The following ALK variants were observed in gnomAD, a reference collection of about 807,000 sequenced individuals.
The protein encoded by ALK is ALK tyrosine kinase receptor.
A neutral mutation model predicts 163.1 loss-of-function variants in ALK; 74 were observed. The observed-to-expected ratio is 0.45, with a 90% CI of 0.38 to 0.55. The LOEUF (loss-of-function observed/expected upper bound fraction) is 0.55. Among genes scored for constraint, ALK ranks in the 20% least tolerant of loss-of-function variants. ALK has a pLI of 0.00. For synonymous variants in ALK, 960 were observed against 843.2 expected, an observed-to-expected ratio of 1.14 and a Z score of -2.40; for missense variants, 2,063 against 2,105.3, an observed-to-expected ratio of 0.98 and a Z score of 0.39.
intron 3 of ALK, among the ~76,000 whole-genome samples, chr2:29,570,640 C>A (rs1287427392): frequency 6.6e-6 from 1 of 152,182 alleles, no homozygotes; most frequent in African/African-American, 2.4e-5. Flanking sequence ...TTGTTAAATG[C>A]CAGCTCCAGG....
intron 9 of ALK, among the ~76,000 whole-genome samples, chr2:29,285,151 T>A (rs1665819057): frequency 6.6e-6 from 1 of 152,238 alleles, no homozygotes. Flanking sequence ...AGCTTCACAC[T>A]GAGGCTCCAA....
intron 3 of ALK, among the ~76,000 whole-genome samples, chr2:29,619,539 G>A (rs1324341780): frequency 1.3e-5 from 2 of 152,096 alleles, no homozygotes; most frequent in African/African-American, 2.4e-5. Context: ...CATTGAAAGG[G>A]CCTCTTCAGT....
intron 4 of ALK, among the ~76,000 whole-genome samples, chr2:29,407,088 G>T (rs1427112052): frequency 6.6e-6 from 1 of 152,042 alleles, no homozygotes; most frequent in African/African-American, 2.4e-5. Context: ...CATCACTTGT[G>T]GTTCATCCTC....
In ALK at chr2:29,222,606, C is replaced by T. The variant is rs781411935; in HGVS notation, c.3361G>A (p.Gly1121Ser). The change falls in exon 21 of 29, where the codon GGT (glycine) becomes AGT (serine). Residue 1121 changes from glycine (G) to serine (S), a missense_variant and splice_region_variant. Physicochemically the swap from Gly to Ser is moderately conservative, Grantham distance 56. Coordinates refer to ENST00000389048, the MANE Select transcript of ALK (RefSeq NM_004304.5). ...TCCCCAAAGGCGCCATGGCCCAGAC[C>T]CCTGTGCAAAGGAGAAGACAAGAGG... ...VPRKNITLIRGLGHGAFGEVY... is the reference protein window; with the variant it reads ...VPRKNITLIRSLGHGAFGEVY... The T allele has an allele frequency of 6.2e-7, 1 of 1,613,372 alleles. No individual in the cohort carries two copies. Among genetic ancestry groups the T allele is most frequent in the African/African-American group, 1.3e-5 (1 of 74,830 alleles).
chr2:29,555,524 T>C (rs1673828288), intron 3 of ALK, among the ~76,000 whole-genome samples: 1 of 152,210 alleles, frequency 6.6e-6, no homozygotes, highest in Non-Finnish European at 1.5e-5. Flanking sequence ...TTTCTGTAAG[T>C]GGAAATTGAT....
chr2:29,535,476 C>A (rs1030235979), intron 3 of ALK, among the ~76,000 whole-genome samples: 1 of 152,166 alleles, frequency 6.6e-6, no homozygotes, highest in African/African-American at 2.4e-5. Context: ...ATTATTTAAA[C>A]ACTTTAAATA....
chr2:29,593,735 T>C (rs1034334772), intron 3 of ALK, among the ~76,000 whole-genome samples: 4 of 152,250 alleles, frequency 2.6e-5, no homozygotes, highest in African/African-American at 9.6e-5. Flanking sequence ...AGTTCAGAAG[T>C]ATAGCAGAAT....
intron 3 of ALK, among the ~76,000 whole-genome samples, chr2:29,619,801 C>A (rs1052214799): frequency 7.2e-5 from 11 of 152,202 alleles, no homozygotes; most frequent in African/African-American, 2.4e-4. Flanking sequence ...CCCTGGTCTG[C>A]TGCCCGCACT....
chr2:29,627,864 C>T (rs182420774), intron 3 of ALK, among the ~76,000 whole-genome samples: 3 of 152,246 alleles, frequency 2.0e-5, no homozygotes, highest in African/African-American at 7.2e-5. Context: ...AAAAGTTTAG[C>T]GTGCTCCATT....
chr2:29,878,104 T>C (rs1427553567), intron 1 of ALK, among the ~76,000 whole-genome samples: 7 of 152,308 alleles, frequency 4.6e-5, no homozygotes, highest in Middle Eastern at 3.4e-3. Flanking sequence ...GATAAAAAGC[T>C]ACCTCCTTCA....
intron 3 of ALK, among the ~76,000 whole-genome samples, chr2:29,588,715 C>T (rs1024252126): frequency 5.0e-4 from 76 of 152,306 alleles, no homozygotes; most frequent in African/African-American, 1.6e-3. Flanking sequence ...AAGGTGGCCA[C>T]AGACAATATG....
At chr2:29,467,054 A>C (rs990878158) in intron 4 of ALK, among the ~76,000 whole-genome samples, 1 of 152,104 alleles carries the variant, frequency 6.6e-6, no homozygotes, top group Admixed American at 6.5e-5. Flanking sequence ...CTCCCCTTCT[A>C]AGCTGGCAAT....
intron 4 of ALK, among the ~76,000 whole-genome samples, chr2:29,461,029 T>C (rs1220035971): frequency 6.6e-6 from 1 of 152,206 alleles, no homozygotes; most frequent in Non-Finnish European, 1.5e-5. Flanking sequence ...TTATTGCTGC[T>C]GTGCAGAAAA....
chr2:29,523,079 C>T (rs1672856725), intron 4 of ALK, among the ~76,000 whole-genome samples: 1 of 152,066 alleles, frequency 6.6e-6, no homozygotes, highest in African/African-American at 2.4e-5. Context: ...GCCACAAACA[C>T]ATGAAAGTGA....
At chr2:29,273,433 G>A (rs1257417503) in intron 11 of ALK, among the ~76,000 whole-genome samples, 1 of 152,200 alleles carries the variant, frequency 6.6e-6, no homozygotes, top group African/African-American at 2.4e-5. Context: ...AGAGGTGGTG[G>A]GGGAGTCATC....
chr2:29,410,249 T>G (rs1471020845), intron 4 of ALK, among the ~76,000 whole-genome samples: 1 of 152,142 alleles, frequency 6.6e-6, no homozygotes, highest in African/African-American at 2.4e-5. Context: ...AAGTCACTCC[T>G]CTGCTCACTG....
At chr2:29,787,596 G>A (rs72854211) in intron 1 of ALK, among the ~76,000 whole-genome samples, 1,876 of 152,280 alleles carry the variant, frequency 0.012, 31 homozygotes, top group African/African-American at 0.043. Context: ...CTTTACAAGG[G>A]AGCTGATACA....
intron 1 of ALK, among the ~76,000 whole-genome samples, chr2:29,841,566 T>C (rs1665700193): frequency 6.6e-6 from 1 of 152,200 alleles, no homozygotes; most frequent in South Asian, 2.1e-4. Context: ...TTGCTCAGTG[T>C]TCTTGGGAGC....
chr2:29,845,249 C>T (rs1371912874), intron 1 of ALK, among the ~76,000 whole-genome samples: 2 of 152,196 alleles, frequency 1.3e-5, no homozygotes, highest in Admixed American at 6.5e-5. Flanking sequence ...ATCCCTCAGG[C>T]TCACACAAAC....
Sources: allele counts gnomAD v4.1 joint callset (sites outside exome capture counted in the v4.1 genomes callset), GRCh38; gene constraint gnomAD v4.1.1; transcripts MANE v1.5; gene names NCBI Gene and HGNC (gene_info 2026-07-23, HGNC 2026-07-21).